UST: variants seen among roughly 807,000 people sequenced by gnomAD.
The protein encoded by UST is chondroitin sulfate 2-O-sulfotransferase.
Under a neutral mutation model 45.6 loss-of-function variants are expected in UST, and 21 were observed. The observed-to-expected ratio is 0.46, with a 90% CI of 0.33 to 0.66. The LOEUF (loss-of-function observed/expected upper bound fraction) is 0.66. UST is among the 30% of genes least tolerant of loss of function. UST has a pLI of 0.02. For synonymous variants in UST, 215 were observed against 200.6 expected (o/e 1.07, Z -0.61); for missense variants, 463 against 512.4 (o/e 0.90, Z 0.93).
intron 7 of UST, among the ~76,000 whole-genome samples, chr6:149,027,365 G>A (rs368900058): frequency 9.8e-5 from 15 of 152,302 alleles, no homozygotes; most frequent in African/African-American, 3.6e-4. Flanking sequence ...GAGTTAGGAG[G>A]AACTTCTAGT....
At chr6:149,059,390 G>C (rs1776619957) in intron 7 of UST, among the ~76,000 whole-genome samples, 1 of 152,198 alleles carries the variant, frequency 6.6e-6, no homozygotes, top group African/African-American at 2.4e-5. Context: ...ACCTGGCTCT[G>C]CAGAAGGACA....
At chr6:148,796,622 T>TAAA (rs1449754454) in intron 1 of UST, among the ~76,000 whole-genome samples, 8,950 of 43,748 alleles carry the variant, frequency 0.2, 1,175 homozygotes, top group African/African-American at 0.38. Context: ...AGACTCTGTC[T>TAAA]CAAAAAAAAA....
intron 1 of UST, among the ~76,000 whole-genome samples, chr6:148,776,597 A>G (rs1425663757): frequency 6.6e-6 from 1 of 152,206 alleles, no homozygotes; most frequent in African/African-American, 2.4e-5. Flanking sequence ...AACATACTGT[A>G]AGGCCTTACT....
intron 5 of UST, among the ~76,000 whole-genome samples, chr6:148,976,496 G>T (rs567072106): frequency 6.6e-6 from 1 of 152,334 alleles, no homozygotes; most frequent in African/African-American, 2.4e-5. Flanking sequence ...CTGGTATCAG[G>T]ATTCCGGGAG....
At chr6:148,962,340 A>G (rs781205087) in intron 4 of UST, among the ~76,000 whole-genome samples, 3 of 152,260 alleles carry the variant, frequency 2.0e-5, no homozygotes, top group Non-Finnish European at 4.4e-5. Context: ...GATGCTGTGC[A>G]TGGATTCACA....
Position 149,050,575 on chromosome 6 carries a change from G to A in UST, c.938-23258G>A, listed in dbSNP as rs549994898. Among the ~76,000 whole-genome samples the A allele has an allele frequency of 1.1e-4, 16 of 152,314 alleles. No individual in the cohort carries two copies. The South Asian group carries it at 3.3e-3, about 32-fold the overall frequency. On this transcript the variant is annotated intron_variant, in intron 7 of 7. Coordinates refer to ENST00000367463, the MANE Select transcript of UST (RefSeq NM_005715.3). ...CTAGTGACTGATGAGGATCCTTTCT[G>A]AGAGGTAAACACCAGCATTATTGAG...
At chr6:148,760,554 C>G (rs757977815) in intron 1 of UST, among the ~76,000 whole-genome samples, 1 of 152,100 alleles carries the variant, frequency 6.6e-6, no homozygotes, top group South Asian at 2.1e-4. Context: ...CTACCCTGCT[C>G]TGCTACACAC....
At chr6:148,996,845 G>A (rs1781462720) in intron 5 of UST, among the ~76,000 whole-genome samples, 1 of 152,078 alleles carries the variant, frequency 6.6e-6, no homozygotes, top group South Asian at 2.1e-4. Context: ...AAAAAGGGGA[G>A]GGAATATCAA....
intron 1 of UST, among the ~76,000 whole-genome samples, chr6:148,834,175 T>G (rs952298516): frequency 6.6e-6 from 1 of 152,196 alleles, no homozygotes; most frequent in Non-Finnish European, 1.5e-5. Context: ...AGTTATAAGG[T>G]TCATTCCATT....
intron 1 of UST, among the ~76,000 whole-genome samples, chr6:148,814,492 T>C (rs1414955745): frequency 6.6e-6 from 1 of 151,892 alleles, no homozygotes; most frequent in Non-Finnish European, 1.5e-5. Context: ...AAAAAAAAAA[T>C]CATGCCAAGA....
At chr6:149,017,837 CAT>C (rs1554234784) in intron 5 of UST, among the ~76,000 whole-genome samples, 1 of 143,120 alleles carries the variant, frequency 7.0e-6, no homozygotes, top group African/African-American at 2.6e-5. Context: ...CACACACACA[CAT>C]CTGTCAGTGT....
At chr6:148,979,515 T>C (rs1781087776) in intron 5 of UST, among the ~76,000 whole-genome samples, 1 of 152,212 alleles carries the variant, frequency 6.6e-6, no homozygotes, top group South Asian at 2.1e-4. Context: ...GGTCTTTGAA[T>C]GGACCCTGAG....
intron 5 of UST, among the ~76,000 whole-genome samples, chr6:149,003,213 A>G (rs554554202): frequency 6.6e-6 from 1 of 152,320 alleles, no homozygotes; most frequent in East Asian, 1.9e-4. Flanking sequence ...GTATTAGAAT[A>G]GTATGGTTGA....
At chr6:148,897,307 A>C (rs1460439868) in intron 2 of UST, among the ~76,000 whole-genome samples, 1 of 151,898 alleles carries the variant, frequency 6.6e-6, no homozygotes, top group Non-Finnish European at 1.5e-5. Context: ...AGCTGGGATT[A>C]CAGGTGTGCA....
chr6:148,967,239 G>T (rs549429310), intron 5 of UST, among the ~76,000 whole-genome samples: 1 of 152,182 alleles, frequency 6.6e-6, no homozygotes, highest in South Asian at 2.1e-4. Flanking sequence ...AAGGGTCTAT[G>T]TCAGATGAGG....
In UST at chr6:149,060,531, T is replaced by C. The variant is rs550657945; in HGVS notation, c.938-13302T>C. Among the ~76,000 whole-genome samples the C allele has an allele frequency of 3.9e-5, 6 of 152,330 alleles. No homozygotes were observed. In the South Asian group the frequency reaches 1.2e-3, roughly 32 times the overall value. On this transcript the variant is annotated intron_variant, in intron 7 of 7. Coordinates refer to ENST00000367463, the MANE Select transcript of UST (RefSeq NM_005715.3). ...ATGGCCTCCCCTATAATTCAGGAAA[T>C]GAGTTTACTCTATCTGTGACAAGCA... is the stretch of plus-strand genomic sequence containing the variant.
At chr6:148,876,135 T>C (rs1778646655) in intron 1 of UST, among the ~76,000 whole-genome samples, 1 of 152,018 alleles carries the variant, frequency 6.6e-6, no homozygotes, top group South Asian at 2.1e-4. Flanking sequence ...GAAGCTTACA[T>C]ATGCATGGCA....
At chr6:148,917,379 A>C (rs997215622) in intron 2 of UST, among the ~76,000 whole-genome samples, 1 of 152,380 alleles carries the variant, frequency 6.6e-6, no homozygotes, top group African/African-American at 2.4e-5. Flanking sequence ...AGTATTTATT[A>C]TCACAGTCCT....
chr6:148,811,358 C>T (rs1421554895), intron 1 of UST, among the ~76,000 whole-genome samples: 1 of 152,132 alleles, frequency 6.6e-6, no homozygotes, highest in Non-Finnish European at 1.5e-5. Flanking sequence ...ACCAGCACAC[C>T]GTTTCTTCTC....
Sources: allele counts gnomAD v4.1 joint callset (sites outside exome capture counted in the v4.1 genomes callset), GRCh38; gene constraint gnomAD v4.1.1; transcripts MANE v1.5; gene names NCBI Gene and HGNC (gene_info 2026-07-23, HGNC 2026-07-21).